RBM19: variants seen among roughly 807,000 people sequenced by gnomAD.
The protein encoded by RBM19 is probable RNA-binding protein 19.
A neutral mutation model predicts 116.8 loss-of-function variants in RBM19; 94 were observed. That is an observed-to-expected ratio of 0.80 (90% CI 0.68 to 0.95). The LOEUF is 0.95. Among genes scored for constraint, RBM19 ranks in the 40% least tolerant of loss-of-function variants. The pLI is 0.00. For synonymous variants in RBM19, 475 were observed against 494.1 expected (o/e 0.96, Z 0.51); for missense variants, 1,161 against 1,220.7 (o/e 0.95, Z 0.73).
At chr12:113,863,449 C>A (rs773104620) in intron 21 of RBM19, among the ~76,000 whole-genome samples, 3 of 152,162 alleles carry the variant, frequency 2.0e-5, no homozygotes, top group Non-Finnish European at 4.4e-5. Context: ...TCCAGAGATG[C>A]GGAGCTGGAC....
chr12:113,958,052 T>A lies in RBM19; in HGVS notation c.572-2A>T. ...CCTTTGGTTCGAGGCTTGCCTCTTC[T>A]GGAAAAACAGGGAAGCTGGGATCAG... On this transcript the variant is annotated splice_acceptor_variant, in intron 5 of 23. Coordinates refer to ENST00000261741, the MANE Select transcript of RBM19 (RefSeq NM_016196.4). LOFTEE classifies it high-confidence loss of function. 1 of 1,604,220 alleles carries A rather than the reference T, an allele frequency of 6.2e-7. No individual in the cohort carries two copies. The highest frequency in any genetic ancestry group is 1.7e-4 in the Middle Eastern group (1 of 5,988).
At chr12:113,902,504 A>T (rs1195046863) in intron 21 of RBM19, among the ~76,000 whole-genome samples, 1 of 151,228 alleles carries the variant, frequency 6.6e-6, no homozygotes, top group Admixed American at 6.6e-5. Context: ...GAGGCTGGGG[A>T]AGGAGGATCC....
At chr12:113,951,347 C>T (rs1871445523) in intron 8 of RBM19, among the ~76,000 whole-genome samples, 1 of 152,082 alleles carries the variant, frequency 6.6e-6, no homozygotes, top group Non-Finnish European at 1.5e-5. Context: ...TATGTTTCTT[C>T]CTGCTCCCTC....
chr12:113,872,563 G>A (rs1879324030), intron 21 of RBM19, among the ~76,000 whole-genome samples: 1 of 115,534 alleles, frequency 8.7e-6, no homozygotes, highest in Non-Finnish European at 2.0e-5. Flanking sequence ...CCGTCCGGGA[G>A]GGAGGTGGGG....
chr12:113,923,612 G>A (rs1006386556), intron 18 of RBM19, among the ~76,000 whole-genome samples: 1 of 152,180 alleles, frequency 6.6e-6, no homozygotes, highest in Admixed American at 6.5e-5. Context: ...AGGTGTAGGC[G>A]TATCTCCTGA....
At chr12:113,879,484 C>G (rs912475438) in intron 21 of RBM19, among the ~76,000 whole-genome samples, 2 of 135,358 alleles carry the variant, frequency 1.5e-5, no homozygotes, top group Non-Finnish European at 3.2e-5. Context: ...AAAAGAAAAC[C>G]CACTGACACT....
intron 4 of RBM19, 72 bp from the exon 5 acceptor site, chr12:113,959,476 G>C: frequency 1.3e-6 from 2 of 1,487,366 alleles, no homozygotes; most frequent in Non-Finnish European, 1.8e-6. Context: ...AGGCTCAGGT[G>C]GGGCTTGATC....
chr12:113,881,264 C>T (rs111496316), intron 21 of RBM19, among the ~76,000 whole-genome samples: 4,104 of 152,248 alleles, frequency 0.027, 186 homozygotes, highest in African/African-American at 0.093. Flanking sequence ...GTAATTTAGC[C>T]TCAGAGCTCT....
chr12:113,875,114 C>T (rs866852259), intron 21 of RBM19, among the ~76,000 whole-genome samples: 8 of 152,346 alleles, frequency 5.3e-5, no homozygotes, highest in Admixed American at 3.3e-4. Flanking sequence ...CGACAGAAAG[C>T]GTTGGAGGCC....
At chr12:113,818,991 G>A (rs1874246286), downstream of RBM19, among the ~76,000 whole-genome samples, 1 of 152,234 alleles carries the variant, frequency 6.6e-6, no homozygotes, top group Non-Finnish European at 1.5e-5. Flanking sequence ...GAGGGAGAGG[G>A]CGGGATGCCT....
chr12:113,895,796 A>G (rs1185304553), intron 21 of RBM19, among the ~76,000 whole-genome samples: 1 of 151,126 alleles, frequency 6.6e-6, no homozygotes, highest in Non-Finnish European at 1.5e-5. Context: ...TAAAAAAGAA[A>G]AAATCTTATA....
intron 23 of RBM19, among the ~76,000 whole-genome samples, chr12:113,826,569 G>C (rs1223469996): frequency 1.3e-5 from 2 of 152,192 alleles, no homozygotes; most frequent in African/African-American, 4.8e-5. Flanking sequence ...CTCTGGGTCG[G>C]GCATGGTGGG....
At chr12:113,849,405 C>T (rs142937164) in intron 22 of RBM19, among the ~76,000 whole-genome samples, 85 of 152,360 alleles carry the variant, frequency 5.6e-4, no homozygotes, top group African/African-American at 2.0e-3. Context: ...TAGCTGGGGA[C>T]GCAGGGCTGG....
rs199537906 is a variant in RBM19 at position 113,962,260 on chromosome 12, T to C, written c.191A>G (p.Lys64Arg). Residue 64 changes from lysine to arginine, a missense_variant, in exon 2 of 24, where the codon AAG becomes AGG. Physicochemically the swap from Lys to Arg is conservative, Grantham distance 26. Coordinates refer to ENST00000261741, the MANE Select transcript of RBM19 (RefSeq NM_016196.4). Reference protein sequence around the residue: ...EAQKAQKHFNKSFIDTSRITV... With the variant: ...EAQKAQKHFNRSFIDTSRITV... ...GATCCGGGATGTGTCGATGAAGCTCTTGTTGAAATGCTTCTGTGCCTTCTG... is the reference window on the plus strand; with the variant it reads ...GATCCGGGATGTGTCGATGAAGCTCCTGTTGAAATGCTTCTGTGCCTTCTG... 6.1e-4 allele frequency: 977 copies of C among 1,614,276 alleles called. No individual in the cohort carries two copies. The highest frequency in any genetic ancestry group is 7.9e-4 in the Non-Finnish European group (934 of 1,180,042).
At chr12:113,942,548 G>T in intron 13 of RBM19, 114 bp from the exon 14 acceptor site, 1 of 772,936 alleles carries the variant, frequency 1.3e-6, no homozygotes, top group Non-Finnish European at 2.1e-6. Flanking sequence ...TTCCACGGAT[G>T]CCGCTCACCT....
intron 21 of RBM19, among the ~76,000 whole-genome samples, chr12:113,871,917 C>T (rs1319956023): frequency 6.6e-6 from 1 of 151,910 alleles, no homozygotes; most frequent in Non-Finnish European, 1.5e-5. Context: ...TCCCAAAGTG[C>T]CGAGATTGCA....
chr12:113,823,394 A>G (rs1874591675), intron 23 of RBM19, 73 bp from the exon 24 acceptor site: 1 of 1,344,794 alleles, frequency 7.4e-7, no homozygotes, highest in Non-Finnish European at 1.0e-6. Flanking sequence ...GAGAGAAATG[A>G]CAGAGGAAGG....
At chr12:113,965,809 C>T (rs1018699210) in intron 1 of RBM19, among the ~76,000 whole-genome samples, 4 of 152,134 alleles carry the variant, frequency 2.6e-5, no homozygotes, top group Non-Finnish European at 5.9e-5. Context: ...CATGTCTTCC[C>T]CAACAGTTTC....
chr12:113,823,074 C>T lies in RBM19; in HGVS notation c.*150G>A. On this transcript the variant is annotated 3_prime_UTR_variant, in exon 24 of 24. Transcript: ENST00000261741. ...GCAGTGGCCTGAGGCCTTCCTCATC[C>T]CCTGTCTCCTCCGACCTTGGACCAG... 2.9e-6 allele frequency: 2 copies of T among 685,480 alleles called. No individual in the cohort carries two copies. The highest frequency in any genetic ancestry group is 2.4e-6 in the Non-Finnish European group (1 of 415,274). 42.5% of individuals were successfully genotyped at this position (685,480 alleles called of 1,614,324 possible).
Sources: allele counts gnomAD v4.1 joint callset (sites outside exome capture counted in the v4.1 genomes callset), GRCh38; gene constraint gnomAD v4.1.1; transcripts MANE v1.5; gene names NCBI Gene and HGNC (gene_info 2026-07-23, HGNC 2026-07-21).